The following CHCHD6 variants were observed in gnomAD, a reference collection of about 807,000 sequenced individuals.
CHCHD6 encodes MICOS complex subunit MIC25.
In CHCHD6, 28 loss-of-function variants were observed where a neutral mutation model predicts 32.3. The ratio of observed to expected loss-of-function variants is 0.87; its 90% CI spans 0.64 to 1.19. The LOEUF (loss-of-function observed/expected upper bound fraction) is 1.19. Ranked by LOEUF, CHCHD6 falls within the 50% of genes most tolerant of loss-of-function variation. CHCHD6 has a pLI of 0.00. For synonymous variants in CHCHD6, 122 were observed against 117.5 expected, an observed-to-expected ratio of 1.04 and a Z score of -0.25; for missense variants, 333 against 307.0, an observed-to-expected ratio of 1.08 and a Z score of -0.63.
At chr3:126,823,098 G>A (rs1940221144) in intron 4 of CHCHD6, among the ~76,000 whole-genome samples, 1 of 151,990 alleles carries the variant, frequency 6.6e-6, no homozygotes, top group African/African-American at 2.4e-5. Flanking sequence ...TTGTTTGTTG[G>A]TAGAGGCGGT....
chr3:126,960,146 G>GGCATGGGCGGAGTGGGCCCTGACTC, intron 7 of CHCHD6, 50 bp from the exon 8 acceptor site: 1 of 1,551,068 alleles, frequency 6.4e-7, no homozygotes. Context: ...GGAGCTGGAG[G>GGCATGGGCGGAGTGGGCCCTGACTC]GCATGGGCGG....
At chr3:126,781,227 A>G (rs934254372) in intron 4 of CHCHD6, among the ~76,000 whole-genome samples, 6 of 152,216 alleles carry the variant, frequency 3.9e-5, no homozygotes, top group African/African-American at 1.2e-4. Context: ...TAGGGCGCCA[A>G]TGAACAGTGT....
Position 126,935,038 on chromosome 3 carries a change from G to A in CHCHD6, c.566+20288G>A, listed in dbSNP as rs757974633. The A allele has an allele frequency of 4.9e-4, 329 of 670,482 alleles. 1 individual carries two copies. The highest frequency in any genetic ancestry group is 6.7e-4 in the South Asian group (10 of 14,882). The allele number at this position is 670,482 out of a possible 1,614,324, so 41.5% of individuals were successfully genotyped here. On this transcript the variant is annotated intron_variant, in intron 6 of 7. Coordinates refer to ENST00000290913, the MANE Select transcript of CHCHD6 (RefSeq NM_032343.3). ...TGAAACAGTTCCATTTTAAAGACAC[G>A]TCTAATCAGAGTTGGGAATCGTTTT...
chr3:126,805,282 GATTGTGT>G (rs1939308982), intron 4 of CHCHD6, among the ~76,000 whole-genome samples: 1 of 152,218 alleles, frequency 6.6e-6, no homozygotes, highest in Non-Finnish European at 1.5e-5. Flanking sequence ...CAGACGACAT[GATTGTGT>G]ATCTAGAAAA....
chr3:126,781,458 C>A (rs1937938357), intron 4 of CHCHD6, among the ~76,000 whole-genome samples: 2 of 152,226 alleles, frequency 1.3e-5, no homozygotes, highest in Non-Finnish European at 2.9e-5. Context: ...AAGGGATTTT[C>A]TCCTGGAAAT....
intron 4 of CHCHD6, chr3:126,767,422 G>T: frequency 1.4e-6 from 1 of 724,264 alleles, no homozygotes; most frequent in Non-Finnish European, 2.6e-6. Flanking sequence ...CTCTCTTGGT[G>T]TCACCATGTC....
intron 1 of CHCHD6, among the ~76,000 whole-genome samples, chr3:126,722,120 A>G (rs1935329210): frequency 6.6e-6 from 1 of 152,188 alleles, no homozygotes; most frequent in African/African-American, 2.4e-5. Context: ...GTAACTCTCC[A>G]TATCCTCGCA....
intron 5 of CHCHD6, among the ~76,000 whole-genome samples, chr3:126,909,292 G>A (rs1404762376): frequency 6.6e-6 from 1 of 152,152 alleles, no homozygotes; most frequent in African/African-American, 2.4e-5. Context: ...ATAGTTATGG[G>A]GGTTCCCCTC....
At chr3:126,824,780 T>A (rs1018679281) in intron 4 of CHCHD6, among the ~76,000 whole-genome samples, 2 of 151,926 alleles carry the variant, frequency 1.3e-5, no homozygotes, top group East Asian at 3.9e-4. Flanking sequence ...GATTTCACCA[T>A]GTTGGCCAGG....
At chr3:126,864,865 A>C (rs1225460285) in intron 5 of CHCHD6, among the ~76,000 whole-genome samples, 1 of 117,358 alleles carries the variant, frequency 8.5e-6, no homozygotes, top group Non-Finnish European at 1.8e-5. Flanking sequence ...TTCCTCCTCC[A>C]CCATCATCTC....
At chr3:126,901,973 C>A (rs1232969562) in intron 5 of CHCHD6, among the ~76,000 whole-genome samples, 1 of 152,232 alleles carries the variant, frequency 6.6e-6, no homozygotes, top group Non-Finnish European at 1.5e-5. Flanking sequence ...ACTCCTACTG[C>A]CCTCCTTTGT....
intron 4 of CHCHD6, among the ~76,000 whole-genome samples, chr3:126,802,894 A>T (rs1229324087): frequency 6.6e-6 from 1 of 152,182 alleles, no homozygotes; most frequent in Non-Finnish European, 1.5e-5. Context: ...GCCAGAAGAG[A>T]GTGGGGGCCG....
Position 126,914,664 on chromosome 3 carries a change from G to C in CHCHD6, c.496-16G>C. The C allele has an allele frequency of 1.3e-6, 2 of 1,515,338 alleles. No homozygotes were observed. The allele number at this position is 1,515,338 out of a possible 1,614,324, so 93.9% of individuals were successfully genotyped here. ...ATTTCAGTCTTTGGTAACCAATTCT[G>C]TTTTTCTCCTTGTAGAATGCTGAGA... On this transcript the variant is annotated splice_polypyrimidine_tract_variant and intron_variant, in intron 5 of 7. Coordinates refer to ENST00000290913, the MANE Select transcript of CHCHD6 (RefSeq NM_032343.3).
intron 4 of CHCHD6, among the ~76,000 whole-genome samples, chr3:126,794,517 T>G (rs1018389213): frequency 6.6e-6 from 1 of 151,662 alleles, no homozygotes; most frequent in African/African-American, 2.4e-5. Context: ...AGTTCTTATT[T>G]TTTAAATTGG....
chr3:126,951,960 TTTTTG>T (rs754642930), intron 6 of CHCHD6, among the ~76,000 whole-genome samples: 1 of 152,180 alleles, frequency 6.6e-6, no homozygotes, highest in African/African-American at 2.4e-5. Context: ...TGTGGGTTTG[TTTTTG>T]TTTTGTTTTG....
chr3:126,870,940 T>C (rs2077460459), intron 5 of CHCHD6, among the ~76,000 whole-genome samples: 1 of 152,182 alleles, frequency 6.6e-6, no homozygotes, highest in Non-Finnish European at 1.5e-5. Flanking sequence ...TTGGGCATCT[T>C]CCCATTTTGT....
chr3:126,823,274 G>T (rs1049604952), intron 4 of CHCHD6, among the ~76,000 whole-genome samples: 1 of 152,126 alleles, frequency 6.6e-6, no homozygotes, highest in African/African-American at 2.4e-5. Flanking sequence ...TTGTATTTCT[G>T]TATCAATTTC....
At chr3:126,958,519 G>A (rs1167475862) in intron 7 of CHCHD6, among the ~76,000 whole-genome samples, 2 of 152,288 alleles carry the variant, frequency 1.3e-5, no homozygotes, top group East Asian at 3.9e-4. Flanking sequence ...CTGTCCCACT[G>A]AACTGAGCGG....
At chr3:126,709,839 C>G (rs1451885623) in intron 1 of CHCHD6, among the ~76,000 whole-genome samples, 1 of 152,110 alleles carries the variant, frequency 6.6e-6, no homozygotes, top group Non-Finnish European at 1.5e-5. Flanking sequence ...GATTATTTGT[C>G]TTTTTATTGT....
Sources: allele counts gnomAD v4.1 joint callset (sites outside exome capture counted in the v4.1 genomes callset), GRCh38; gene constraint gnomAD v4.1.1; transcripts MANE v1.5; gene names NCBI Gene and HGNC (gene_info 2026-07-23, HGNC 2026-07-21).